Variants in ULK4 observed in about 807,000 individuals in gnomAD.
The protein encoded by ULK4 is unc-51 like kinase 4.
ULK4 carries 133 observed loss-of-function variants against 160.6 expected under a neutral mutation model. The observed-to-expected ratio is 0.83, with a 90% CI of 0.72 to 0.96. ULK4 has a LOEUF of 0.96. Among genes scored for constraint, ULK4 ranks in the 40% least tolerant of loss-of-function variants. The pLI is 0.00. For missense variants in ULK4, 1,580 were observed against 1,499.5 expected, an observed-to-expected ratio of 1.05 and a Z score of -0.89; for synonymous variants, 534 against 539.8, an observed-to-expected ratio of 0.99 and a Z score of 0.15.
chr3:41,350,312 T>C (rs771756281), intron 35 of ULK4, among the ~76,000 whole-genome samples: 118 of 152,248 alleles, frequency 7.8e-4, no homozygotes, highest in Admixed American at 1.3e-3. Context: ...ATGGATCTCT[T>C]CTCCAGAAAA....
intron 22 of ULK4, among the ~76,000 whole-genome samples, chr3:41,727,485 G>A (rs980141581): frequency 3.3e-5 from 5 of 152,236 alleles, no homozygotes; most frequent in African/African-American, 1.2e-4. Context: ...TCGACAGGAT[G>A]TCATTGAAGC....
chr3:41,607,289 G>A (rs2032427792), intron 31 of ULK4, among the ~76,000 whole-genome samples: 1 of 152,048 alleles, frequency 6.6e-6, no homozygotes, highest in Admixed American at 6.6e-5. Flanking sequence ...GCAAAGATTT[G>A]CAACTTAATT....
chr3:41,901,356 A>G (rs1199402255), intron 12 of ULK4, among the ~76,000 whole-genome samples: 5 of 149,234 alleles, frequency 3.4e-5, no homozygotes, highest in Non-Finnish European at 7.4e-5. Context: ...ATTTTTTTGT[A>G]TTTTTAGTAG....
intron 35 of ULK4, among the ~76,000 whole-genome samples, chr3:41,303,862 G>C (rs998849897): frequency 1.3e-5 from 2 of 152,162 alleles, no homozygotes; most frequent in Non-Finnish European, 2.9e-5. Flanking sequence ...GGTCGGGGCA[G>C]GGTGGGGGGC....
At chr3:41,687,582 C>T (rs1041694051) in intron 27 of ULK4, among the ~76,000 whole-genome samples, 69 of 152,044 alleles carry the variant, frequency 4.5e-4, no homozygotes, top group African/African-American at 1.7e-3. Flanking sequence ...TGTCCAATGT[C>T]AAGAAAACCA....
intron 35 of ULK4, among the ~76,000 whole-genome samples, chr3:41,373,383 G>C (rs376767402): frequency 6.6e-6 from 1 of 152,074 alleles, no homozygotes; most frequent in Non-Finnish European, 1.5e-5. Flanking sequence ...CCACATAATT[G>C]GAAGTAAACA....
intron 32 of ULK4, among the ~76,000 whole-genome samples, chr3:41,533,362 C>T (rs1214011061): frequency 2.0e-5 from 3 of 152,152 alleles, no homozygotes; most frequent in African/African-American, 2.4e-5. Flanking sequence ...TTCCTTCATA[C>T]ATCTCCATAC....
chr3:41,570,185 T>A (rs1338732855), intron 31 of ULK4, among the ~76,000 whole-genome samples: 1 of 152,252 alleles, frequency 6.6e-6, no homozygotes, highest in East Asian at 1.9e-4. Flanking sequence ...TGATTTCATA[T>A]GGGTTTTGCC....
intron 34 of ULK4, among the ~76,000 whole-genome samples, chr3:41,409,118 C>T (rs1433589157): frequency 2.0e-5 from 3 of 151,842 alleles, no homozygotes; most frequent in African/African-American, 4.8e-5. Context: ...TAGCCAGACA[C>T]GGGAGCACAC....
chr3:41,506,764 T>TAAAAAAAAAAAAAAAAAAA (rs200785051), intron 32 of ULK4, among the ~76,000 whole-genome samples: 725 of 19,900 alleles, frequency 0.036, 136 homozygotes, highest in East Asian at 0.049. Context: ...GAGTGTGATT[T>TAAAAAAAAAAAAAAAAAAA]AAAATATATA....
chr3:41,332,669 A>G (rs2080470603), intron 35 of ULK4, among the ~76,000 whole-genome samples: 1 of 152,214 alleles, frequency 6.6e-6, no homozygotes, highest in Admixed American at 6.5e-5. Flanking sequence ...CTTTTATTTT[A>G]GATTCAGGGG....
chr3:41,576,035 G>A (rs71331193), intron 31 of ULK4, among the ~76,000 whole-genome samples: 21 of 152,304 alleles, frequency 1.4e-4, no homozygotes, highest in African/African-American at 4.3e-4. Context: ...TGCCTGTAGT[G>A]TTGAAAGAGA....
intron 32 of ULK4, among the ~76,000 whole-genome samples, chr3:41,562,279 A>T (rs531691418): frequency 3.3e-5 from 5 of 152,282 alleles, no homozygotes; most frequent in Admixed American, 3.3e-4. Flanking sequence ...CTTTACTTCC[A>T]ATTATGTGGT....
intron 35 of ULK4, among the ~76,000 whole-genome samples, chr3:41,392,965 T>C (rs939719776): frequency 6.6e-6 from 1 of 152,194 alleles, no homozygotes; most frequent in African/African-American, 2.4e-5. Context: ...CTCAAGCTCC[T>C]GTCCTCTATC....
At position 41,482,809 on chromosome 3, in the gene ULK4, A is replaced by C. The variant is rs1028149130; in HGVS notation, c.3227-19556T>G. Among the ~76,000 whole-genome samples, 3 of 152,210 alleles carry C rather than the reference A, an allele frequency of 2.0e-5. No homozygotes were observed. In the East Asian group the frequency reaches 5.8e-4, roughly 29 times the overall value. ...GTACTTTCAATTCCTTTTTTAAAAA[A>C]ATTCAGTTCACTGAGAGCTTTAAAT... On this transcript the variant is annotated intron_variant, in intron 32 of 36. Transcript: ENST00000301831.
rs192897555 is a variant in ULK4, at chr3:41,751,528, T to G, written c.2321+2833A>C. On this transcript the variant is annotated intron_variant, in intron 22 of 36. Coordinates refer to ENST00000301831, the MANE Select transcript of ULK4 (RefSeq NM_017886.4). ...CTGTTTGTTGTGTTGCTCCAGAGAC[T>G]GAGAAGAGTGGAGGTCAGTGTCAGG... Among the ~76,000 whole-genome samples, 272 of 152,280 alleles carry G rather than the reference T, an allele frequency of 1.8e-3. 2 individuals are homozygous for G. The highest frequency in any genetic ancestry group is 2.2e-3 in the Non-Finnish European group (148 of 68,010).
intron 32 of ULK4, among the ~76,000 whole-genome samples, chr3:41,493,441 A>C (rs1222748959): frequency 5.1e-4 from 68 of 133,244 alleles, no homozygotes; most frequent in African/African-American, 1.6e-3. Flanking sequence ...GTGTAGAGGG[A>C]AATTTATAGC....
rs1201403549 is a variant in ULK4, at chr3:41,805,279, C to A, written c.1849-4986G>T. Among the ~76,000 whole-genome samples the A allele has an allele frequency of 2.0e-5, 3 of 152,090 alleles. No homozygotes were observed. The South Asian group carries it at 6.2e-4, about 32-fold the overall frequency. Reference sequence around the variant, plus strand: ...GGGAGTTCACTCATGATTTGGCTCTCTGTTTGTCTGTTATTGGTGTATAAG... The same window carrying A: ...GGGAGTTCACTCATGATTTGGCTCTATGTTTGTCTGTTATTGGTGTATAAG... On this transcript the variant is annotated intron_variant, in intron 19 of 36. Transcript: ENST00000301831.
At chr3:41,836,200 A>ATT (rs35529258) in intron 17 of ULK4, among the ~76,000 whole-genome samples, 79 of 150,448 alleles carry the variant, frequency 5.3e-4, no homozygotes, top group South Asian at 1.7e-3. Context: ...TCAGTTTATA[A>ATT]TTTTTTTTTT....
Sources: allele counts gnomAD v4.1 joint callset (sites outside exome capture counted in the v4.1 genomes callset), GRCh38; gene constraint gnomAD v4.1.1; transcripts MANE v1.5; gene names NCBI Gene and HGNC (gene_info 2026-07-23, HGNC 2026-07-21).